The following CFAP221 variants were observed in gnomAD, a reference collection of about 807,000 sequenced individuals.
CFAP221 encodes the protein cilia- and flagella-associated protein 221.
In CFAP221, 97 loss-of-function variants were observed where a neutral mutation model predicts 113.1. That is an observed-to-expected ratio of 0.86 (90% CI 0.73 to 1.02). CFAP221 has a LOEUF of 1.02. CFAP221 is among the 50% of genes least tolerant of loss of function. The pLI is 0.00. For missense variants in CFAP221, 1,025 were observed against 1,013.4 expected (o/e 1.01, Z -0.16); for synonymous variants, 331 against 354.4 (o/e 0.93, Z 0.74).
chr2:119,615,738 G>T (rs767279451), intron 14 of CFAP221, 29 bp downstream of exon 14: 1 of 1,538,570 alleles, frequency 6.5e-7, no homozygotes, highest in South Asian at 1.2e-5. Flanking sequence ...TGGAAATGTT[G>T]ATTTGTTTAC....
intron 14 of CFAP221, among the ~76,000 whole-genome samples, chr2:119,622,323 G>A (rs1216140072): frequency 6.6e-6 from 1 of 152,098 alleles, no homozygotes; most frequent in Non-Finnish European, 1.5e-5. Flanking sequence ...TCAGGAAGAA[G>A]CCAAATCCCT....
chr2:119,652,934 A>G (rs1416638021), intron 23 of CFAP221, among the ~76,000 whole-genome samples: 1 of 148,722 alleles, frequency 6.7e-6, no homozygotes, highest in Admixed American at 6.7e-5. Context: ...TTCCAAAAAT[A>G]TGGATATATA....
At chr2:119,592,636 G>T (rs780073644) in intron 7 of CFAP221, among the ~76,000 whole-genome samples, 1 of 152,130 alleles carries the variant, frequency 6.6e-6, no homozygotes. Context: ...TGGCTGTCTG[G>T]ATGCTGTCAC....
chr2:119,614,433 G>A (rs1053814436), intron 13 of CFAP221, among the ~76,000 whole-genome samples: 8 of 152,208 alleles, frequency 5.3e-5, no homozygotes, highest in Non-Finnish European at 1.0e-4. Flanking sequence ...AAAGGAAAGA[G>A]GTTTAATTGA....
chr2:119,655,165 A>G (rs111293948), intron 23 of CFAP221, among the ~76,000 whole-genome samples: 14 of 152,112 alleles, frequency 9.2e-5, no homozygotes, highest in Non-Finnish European at 1.9e-4. Flanking sequence ...ATCTGCTCTC[A>G]CTCAATGGCT....
chr2:119,627,792 T>A lies in CFAP221; in HGVS notation c.1650+6T>A. The stretch of plus-strand genomic sequence containing the variant: ...CCCAGGACTCCAACGAGTTGGTAGG[T>A]GCCGTCAGGCTTGGGGGCGGGGAGT... On this transcript the variant is annotated splice_donor_region_variant and intron_variant, in intron 16 of 23. Coordinates refer to ENST00000413369, the MANE Select transcript of CFAP221 (RefSeq NM_001271049.2). 1 of 1,613,396 alleles carries A rather than the reference T, an allele frequency of 6.2e-7. No homozygotes were observed. The highest frequency in any genetic ancestry group is 8.5e-7 in the Non-Finnish European group (1 of 1,179,716).
chr2:119,623,267 T>C (rs1359764263), intron 14 of CFAP221, among the ~76,000 whole-genome samples: 1 of 152,158 alleles, frequency 6.6e-6, no homozygotes, highest in East Asian at 1.9e-4. Context: ...CCATTCACAA[T>C]TGCAACAAAG....
At chr2:119,581,602 A>G (rs188095479) in intron 6 of CFAP221, among the ~76,000 whole-genome samples, 1 of 152,352 alleles carries the variant, frequency 6.6e-6, no homozygotes, top group East Asian at 1.9e-4. Context: ...GCTCCAAGAT[A>G]TATGTGTCTA....
intron 13 of CFAP221, among the ~76,000 whole-genome samples, chr2:119,613,653 C>T (rs543470764): frequency 1.3e-5 from 2 of 152,320 alleles, no homozygotes; most frequent in African/African-American, 4.8e-5. Flanking sequence ...GCAGCAAGGC[C>T]CTGGGCCCAG....
At chr2:119,646,252 T>G (rs1172400342) in intron 21 of CFAP221, among the ~76,000 whole-genome samples, 1 of 152,178 alleles carries the variant, frequency 6.6e-6, no homozygotes, top group East Asian at 1.9e-4. Flanking sequence ...GTTCTCTCAT[T>G]GCTATAAACA....
At chr2:119,625,426 G>A (rs548141728) in intron 14 of CFAP221, among the ~76,000 whole-genome samples, 157 bp from the exon 15 acceptor site, 16 of 152,256 alleles carry the variant, frequency 1.1e-4, no homozygotes, top group African/African-American at 2.6e-4. Context: ...CCCTGTGGCC[G>A]CAGCCTAGGG....
intron 6 of CFAP221, among the ~76,000 whole-genome samples, chr2:119,578,704 C>T (rs1416873235): frequency 6.6e-6 from 1 of 152,136 alleles, no homozygotes; most frequent in Non-Finnish European, 1.5e-5. Flanking sequence ...TTATTGTGCC[C>T]TCTGAACCTA....
intron 13 of CFAP221, among the ~76,000 whole-genome samples, chr2:119,613,020 G>C (rs564225791): frequency 6.6e-6 from 1 of 152,322 alleles, no homozygotes; most frequent in East Asian, 1.9e-4. Context: ...CCAAAACAAA[G>C]GGGCTACAAG....
Position 119,579,834 on chromosome 2 carries a change from C to T in CFAP221, c.528-7285C>T, listed in dbSNP as rs542889153. ...TTGTTTGTTTCAATTCAGGAAAATG[C>T]AAACATGCAGCTTTTAGCAGAGGAG... is the stretch of plus-strand genomic sequence containing the variant. On this transcript the variant is annotated intron_variant, in intron 6 of 23. Transcript: ENST00000413369. Among the ~76,000 whole-genome samples, 6 of 152,210 alleles carry T rather than the reference C, an allele frequency of 3.9e-5. No individual in the cohort carries two copies. The East Asian group carries it at 9.6e-4, about 24-fold the overall frequency.
chr2:119,601,260 T>G lies in CFAP221; in HGVS notation c.674T>G (p.Phe225Cys). The G allele has an allele frequency of 6.5e-7, 1 of 1,534,866 alleles. No individual in the cohort carries two copies. The highest frequency in any genetic ancestry group is 1.2e-5 in the South Asian group (1 of 83,820). The change falls in exon 8 of 24, where the codon TTT becomes TGT. Residue 225 changes from phenylalanine (F) to cysteine (C), a missense_variant. Physicochemically the swap from Phe to Cys is radical, Grantham distance 205. Transcript: ENST00000413369. ...ANGKMTVTIKFTPFQYGTAQI... is the reference protein window; with the variant it reads ...ANGKMTVTIKCTPFQYGTAQI... ...GGGAAGATGACTGTGACTATTAAGT[T>G]TACACCCTTTCAGTATGGGACTGCA...
chr2:119,610,772 T>G (rs1392448277), intron 12 of CFAP221, among the ~76,000 whole-genome samples: 3 of 152,156 alleles, frequency 2.0e-5, no homozygotes, highest in Non-Finnish European at 2.9e-5. Context: ...TTTAAAATTT[T>G]TATAAACAGT....
At chr2:119,603,217 A>G (rs1038324891) in intron 8 of CFAP221, among the ~76,000 whole-genome samples, 15 of 152,248 alleles carry the variant, frequency 9.9e-5, no homozygotes, top group African/African-American at 3.4e-4. Context: ...TAACTGATTT[A>G]TCATTTTCTT....
intron 6 of CFAP221, chr2:119,580,774 G>A (rs1033115252): frequency 6.6e-6 from 1 of 152,286 alleles, no homozygotes; most frequent in East Asian, 1.9e-4. Context: ...GCAGGCTCCA[G>A]GTTTTGAAGC....
chr2:119,554,289 T>C (rs1680628616), intron 3 of CFAP221, among the ~76,000 whole-genome samples: 1 of 152,234 alleles, frequency 6.6e-6, no homozygotes, highest in African/African-American at 2.4e-5. Context: ...GGCTAAAGGA[T>C]CTGAAACATT....
Sources: gnomAD v4.1 joint callset for allele counts (sites outside exome capture counted in the v4.1 genomes callset) on GRCh38, gnomAD v4.1.1 for gene constraint, MANE v1.5 for transcripts, NCBI Gene and HGNC (gene_info 2026-07-23, HGNC 2026-07-21) for gene names.